TIAM1: variants seen among roughly 807,000 people sequenced by gnomAD.
TIAM1 encodes TIAM Rac1 associated GEF 1, also known as rho guanine nucleotide exchange factor TIAM1.
In TIAM1, 65 loss-of-function variants were observed where a neutral mutation model predicts 163.5. That is an observed-to-expected ratio of 0.40 (90% confidence interval 0.33 to 0.49). The LOEUF is 0.49. Among genes scored for constraint, TIAM1 ranks in the 20% least tolerant of loss-of-function variants. TIAM1 has a pLI of 0.77. For synonymous variants in TIAM1, 833 were observed against 810.1 expected, an observed-to-expected ratio of 1.03 and a Z score of -0.48; for missense variants, 1,789 against 2,044.7, an observed-to-expected ratio of 0.87 and a Z score of 2.41.
At chr21:31,362,466 T>TATTATA (rs1307102370) in intron 2 of TIAM1, among the ~76,000 whole-genome samples, 1 of 148,422 alleles carries the variant, frequency 6.7e-6, no homozygotes, top group Non-Finnish European at 1.5e-5. Flanking sequence ...TTATTATTAT[T>TATTATA]ATTATTATTA....
At chr21:31,157,579 G>A (rs546494250) in intron 16 of TIAM1, among the ~76,000 whole-genome samples, 2 of 152,230 alleles carry the variant, frequency 1.3e-5, no homozygotes, top group East Asian at 1.9e-4. Flanking sequence ...GTGCAAGGCA[G>A]AAACCAACCC....
intron 2 of TIAM1, among the ~76,000 whole-genome samples, chr21:31,357,007 T>C (rs186740994): frequency 6.6e-6 from 1 of 152,250 alleles, no homozygotes; most frequent in African/African-American, 2.4e-5. Context: ...GAAGTGTAGA[T>C]TCCATCATCT....
intron 2 of TIAM1, among the ~76,000 whole-genome samples, chr21:31,456,088 G>A (rs147870841): frequency 6.4e-4 from 97 of 152,312 alleles, no homozygotes; most frequent in African/African-American, 2.3e-3. Context: ...CAGGGTAGCA[G>A]AACATCAATA....
At chr21:31,550,714 T>C (rs779077885) in intron 1 of TIAM1, among the ~76,000 whole-genome samples, 4 of 152,046 alleles carry the variant, frequency 2.6e-5, no homozygotes, top group Non-Finnish European at 5.9e-5. Flanking sequence ...AGAAATACAA[T>C]GTACCAACAC....
intron 18 of TIAM1, 99 bp downstream of exon 18, chr21:31,152,966 TA>T (rs1410842978): frequency 1.7e-5 from 23 of 1,349,090 alleles, no homozygotes; most frequent in Non-Finnish European, 1.0e-6. Flanking sequence ...TAAATAAATT[TA>T]AAATGTTTTC....
chr21:31,357,993 T>C (rs935047358), intron 2 of TIAM1, among the ~76,000 whole-genome samples: 1 of 152,194 alleles, frequency 6.6e-6, no homozygotes, highest in African/African-American at 2.4e-5. Flanking sequence ...TTCTCTCTTT[T>C]CTTTACACTG....
At chr21:31,507,177 TA>T (rs1569396623) in intron 1 of TIAM1, among the ~76,000 whole-genome samples, 4 of 126,162 alleles carry the variant, frequency 3.2e-5, no homozygotes, top group African/African-American at 1.2e-4. Flanking sequence ...TGCACCTTTT[TA>T]ATTTTTTTTT....
chr21:31,271,361 A>G (rs997175249), intron 3 of TIAM1, among the ~76,000 whole-genome samples: 20 of 152,362 alleles, frequency 1.3e-4, no homozygotes, highest in African/African-American at 4.6e-4. Context: ...GAGACACAGC[A>G]CACATCAGTC....
At chr21:31,425,494 T>C (rs946700879) in intron 2 of TIAM1, among the ~76,000 whole-genome samples, 6 of 152,116 alleles carry the variant, frequency 3.9e-5, no homozygotes, top group African/African-American at 1.4e-4. Context: ...TTAAGTCAAC[T>C]AGGGATCTTG....
chr21:31,365,383 C>CTTTTTTTT (rs201546931), intron 2 of TIAM1, among the ~76,000 whole-genome samples: 11 of 138,418 alleles, frequency 7.9e-5, no homozygotes, highest in African/African-American at 1.6e-4. Context: ...TCACTTATTT[C>CTTTTTTTT]TTTCTTTTTT....
intron 2 of TIAM1, among the ~76,000 whole-genome samples, chr21:31,389,557 A>T (rs1171537780): frequency 6.6e-6 from 1 of 152,194 alleles, no homozygotes; most frequent in Non-Finnish European, 1.5e-5. Flanking sequence ...TAAGCAACAA[A>T]ACAAGGCAGT....
chr21:31,184,312 G>A (rs1045056434), intron 14 of TIAM1, among the ~76,000 whole-genome samples: 7 of 152,188 alleles, frequency 4.6e-5, no homozygotes, highest in African/African-American at 1.7e-4. Context: ...CACCATGTTA[G>A]CCAGGCTGGT....
intron 1 of TIAM1, among the ~76,000 whole-genome samples, chr21:31,477,744 C>T (rs1387598156): frequency 6.6e-6 from 1 of 152,082 alleles, no homozygotes; most frequent in African/African-American, 2.4e-5. Flanking sequence ...CCCCAGAGGA[C>T]ATCCTGAAGA....
intron 22 of TIAM1, among the ~76,000 whole-genome samples, chr21:31,137,473 T>C (rs2833295): frequency 0.11 from 17,278 of 152,042 alleles, 1,162 homozygotes; most frequent in African/African-American, 0.18. Flanking sequence ...TAGTCTCCAC[T>C]ACCTATCCCC....
chr21:31,135,813 G>T, intron 23 of TIAM1, 120 bp downstream of exon 23: 1 of 882,810 alleles, frequency 1.1e-6, no homozygotes, highest in Non-Finnish European at 1.8e-6. Flanking sequence ...CAGGAAGACC[G>T]ATTCAAGTAA....
At chr21:31,437,104 G>A (rs1040063650) in intron 2 of TIAM1, among the ~76,000 whole-genome samples, 1 of 152,098 alleles carries the variant, frequency 6.6e-6, no homozygotes, top group Non-Finnish European at 1.5e-5. Flanking sequence ...GGAGAAAATA[G>A]TTCTCCACTG....
At chr21:31,197,973 G>A (rs1400688704) in intron 12 of TIAM1, among the ~76,000 whole-genome samples, 4 of 152,032 alleles carry the variant, frequency 2.6e-5, no homozygotes, top group African/African-American at 9.7e-5. Flanking sequence ...TACCCTCTTA[G>A]GTCAGTCAAA....
At chr21:31,464,209 T>C (rs2045439243) in intron 1 of TIAM1, among the ~76,000 whole-genome samples, 1 of 151,952 alleles carries the variant, frequency 6.6e-6, no homozygotes, top group South Asian at 2.1e-4. Flanking sequence ...GCCGTAAAAT[T>C]AGAAGCAGAG....
intron 3 of TIAM1, among the ~76,000 whole-genome samples, chr21:31,275,750 A>G (rs1445435266): frequency 6.6e-6 from 1 of 152,220 alleles, no homozygotes; most frequent in Non-Finnish European, 1.5e-5. Context: ...CTTCAAATAC[A>G]TAAAACCTTA....
Sources: gnomAD v4.1 joint callset for allele counts (sites outside exome capture counted in the v4.1 genomes callset) on GRCh38, gnomAD v4.1.1 for gene constraint, MANE v1.5 for transcripts, NCBI Gene and HGNC (gene_info 2026-07-23, HGNC 2026-07-21) for gene names.